UBE2W: variants seen among roughly 807,000 people sequenced by gnomAD.
UBE2W encodes ubiquitin-conjugating enzyme E2 W.
A neutral mutation model predicts 27.2 loss-of-function variants in UBE2W; 18 were observed. The ratio of observed to expected loss-of-function variants is 0.66; its 90% confidence interval spans 0.46 to 0.98. The LOEUF (loss-of-function observed/expected upper bound fraction) is 0.98, where lower values mean the gene tolerates loss of function less well. Ranked by LOEUF, UBE2W falls within the 50% of genes least tolerant of loss-of-function variation. The pLI is 0.00. For synonymous variants in UBE2W, 53 were observed against 57.2 expected (o/e 0.93, Z 0.33); for missense variants, 90 against 180.2 (o/e 0.50, Z 2.87).
downstream of UBE2W, among the ~76,000 whole-genome samples, chr8:73,783,838 C>T (rs760663973): frequency 9.2e-5 from 14 of 152,220 alleles, no homozygotes; most frequent in Non-Finnish European, 1.5e-4. Context: ...TCTGGGCTCA[C>T]TGCAACCTCC....
intron 1 of UBE2W, among the ~76,000 whole-genome samples, chr8:73,839,951 G>A (rs1199270532): frequency 6.6e-6 from 1 of 151,898 alleles, no homozygotes; most frequent in Non-Finnish European, 1.5e-5. Flanking sequence ...GGCCAAGCTG[G>A]TCTCGAACTC....
rs1586437579 is a variant in UBE2W, at chr8:73,793,808, C to T, written c.*294G>A. 1 of 1,125,674 alleles carries T rather than the reference C, an allele frequency of 8.9e-7. No individual in the cohort carries two copies. The highest frequency in any genetic ancestry group is 4.7e-5 in the Admixed American group (1 of 21,202). The allele number at this position is 1,125,674 out of a possible 1,614,324, so 69.7% of individuals were successfully genotyped here. A position where few individuals can be genotyped will look rare whatever the true frequency, so the allele number is the denominator to read the frequency against. ...ATTGTTATTGCACAATACATGAGGA[C>T]CTGGAGCTTTTCCAAAAGCTTAAAA... On this transcript the variant is annotated 3_prime_UTR_variant, in exon 6 of 6. Coordinates refer to ENST00000602593, the MANE Select transcript of UBE2W (RefSeq NM_018299.6).
chr8:73,812,581 G>C (rs912797899), intron 3 of UBE2W, among the ~76,000 whole-genome samples: 1 of 152,070 alleles, frequency 6.6e-6, no homozygotes, highest in Non-Finnish European at 1.5e-5. Context: ...GTACAGAATG[G>C]GAGTTTACAA....
intron 5 of UBE2W, among the ~76,000 whole-genome samples, 179 bp downstream of exon 5, chr8:73,805,472 C>CAAAAAAAAAAAAAACAAAAAAAAA: frequency 1.4e-4 from 6 of 43,676 alleles, no homozygotes; most frequent in African/African-American, 3.6e-4. Flanking sequence ...AAAAAAAAAA[C>CAAAAAAAAAAAAAACAAAAAAAAA]AAAAAAAACT....
intron 1 of UBE2W, among the ~76,000 whole-genome samples, chr8:73,859,230 G>A (rs1811442425): frequency 6.6e-6 from 1 of 152,190 alleles, no homozygotes; most frequent in Non-Finnish European, 1.5e-5. Flanking sequence ...GACTAGCTGG[G>A]AATGGTGGCT....
intron 5 of UBE2W, among the ~76,000 whole-genome samples, chr8:73,801,623 T>C (rs1328064489): frequency 6.6e-6 from 1 of 152,368 alleles, no homozygotes; most frequent in African/African-American, 2.4e-5. Flanking sequence ...TAATTTTTGA[T>C]GCATGTGGGA....
At chr8:73,850,039 T>C (rs1367292159) in intron 1 of UBE2W, among the ~76,000 whole-genome samples, 1 of 152,188 alleles carries the variant, frequency 6.6e-6, no homozygotes. Flanking sequence ...TAGAAGATTT[T>C]AGTAACACCT....
chr8:73,836,135 C>A (rs963432463), intron 1 of UBE2W, among the ~76,000 whole-genome samples: 4 of 152,138 alleles, frequency 2.6e-5, no homozygotes, highest in Non-Finnish European at 5.9e-5. Flanking sequence ...CCCCTCCATC[C>A]CAGAAGGGAC....
chr8:73,847,350 T>C (rs1176841499), intron 1 of UBE2W, among the ~76,000 whole-genome samples: 1 of 152,146 alleles, frequency 6.6e-6, no homozygotes, highest in Non-Finnish European at 1.5e-5. Flanking sequence ...TAAGACCAGC[T>C]TGGTAGGTAT....
chr8:73,793,001 G>A lies in UBE2W; in HGVS notation c.*1101C>T. On this transcript the variant is annotated 3_prime_UTR_variant, in exon 6 of 6. Transcript: ENST00000602593. ...TCAAAAATGTATTTCTTATTTTAGG[G>A]TACAGGATTAAAGGACAAGATGATA... is the stretch of plus-strand genomic sequence containing the variant. The A allele has an allele frequency of 2.0e-6, 2 of 985,228 alleles. No homozygotes were observed. The highest frequency in any genetic ancestry group is 2.4e-6 in the Non-Finnish European group (2 of 829,510). 61.0% of individuals were successfully genotyped at this position (985,228 alleles called of 1,614,324 possible).
intron 3 of UBE2W, among the ~76,000 whole-genome samples, chr8:73,817,596 C>T (rs1809446844): frequency 6.6e-6 from 1 of 152,024 alleles, no homozygotes; most frequent in Non-Finnish European, 1.5e-5. Flanking sequence ...TGACTCTCTG[C>T]AACCTCCATC....
At chr8:73,796,653 G>A (rs79500631) in intron 5 of UBE2W, 1 of 984,796 alleles carries the variant, frequency 1.0e-6, no homozygotes, top group African/African-American at 1.7e-5. Flanking sequence ...GTAACAGCTA[G>A]ATCAACAGGG....
chr8:73,855,394 C>CTTTTTTTTTTTTTTT (rs66577299), intron 1 of UBE2W, among the ~76,000 whole-genome samples: 1 of 84,710 alleles, frequency 1.2e-5, no homozygotes, highest in African/African-American at 5.2e-5. Flanking sequence ...ATTCTACTTT[C>CTTTTTTTTTTTTTTT]TTTTTTTTTT....
downstream of UBE2W, among the ~76,000 whole-genome samples, chr8:73,781,619 G>GTTTTTTTTTT (rs112691687): frequency 7.1e-6 from 1 of 140,880 alleles, no homozygotes; most frequent in Non-Finnish European, 1.5e-5. Flanking sequence ...TCAGGTTTGG[G>GTTTTTTTTTT]TTTTTTTTTT....
In UBE2W at chr8:73,868,209, G is replaced by T. The variant is rs546200600; in HGVS notation, c.15+10599C>A. Among the ~76,000 whole-genome samples, 10 of 152,282 alleles carry T rather than the reference G, an allele frequency of 6.6e-5. No homozygotes were observed. In the South Asian group the frequency reaches 2.1e-3, roughly 32 times the overall value. On this transcript the variant is annotated intron_variant, in intron 1 of 5. Transcript: ENST00000602593. ...ACCCCATCAATCTTTGGGGAAGAAG[G>T]GGGGGCTCAGGGTTGAATGGAACAC...
intron 4 of UBE2W, among the ~76,000 whole-genome samples, chr8:73,808,225 AT>A (rs1437632482): frequency 6.6e-6 from 1 of 151,830 alleles, no homozygotes; most frequent in East Asian, 1.9e-4. Flanking sequence ...GTAGATGGGT[AT>A]TTAAAATACT....
intron 1 of UBE2W, among the ~76,000 whole-genome samples, chr8:73,866,290 A>T (rs6998002): frequency 0.077 from 3,233 of 42,212 alleles, 248 homozygotes; most frequent in African/African-American, 0.19. Context: ...AAAAAAAAAA[A>T]ATATATATAT....
intron 3 of UBE2W, among the ~76,000 whole-genome samples, chr8:73,820,313 T>C (rs564846937): frequency 1.5e-4 from 23 of 152,326 alleles, no homozygotes; most frequent in Non-Finnish European, 3.1e-4. Context: ...GTTAAAACTA[T>C]ATAGATTATG....
chr8:73,832,482 A>G lies in UBE2W; in HGVS notation c.16-2010T>C, dbSNP rs1037089117. 5.9e-5 allele frequency among the ~76,000 whole-genome samples: 9 copies of G among 152,224 alleles called. No homozygotes were observed. In the South Asian group the frequency reaches 1.7e-3, roughly 28 times the overall value. ...GCATAATGGCTAATCTTACATTAAAAAAATAGCTTTGAAGTTTCGGTTCAC... is the reference window on the plus strand; with the variant it reads ...GCATAATGGCTAATCTTACATTAAAGAAATAGCTTTGAAGTTTCGGTTCAC... On this transcript the variant is annotated intron_variant, in intron 1 of 5. Transcript: ENST00000602593.
Sources: allele counts gnomAD v4.1 joint callset (sites outside exome capture counted in the v4.1 genomes callset), GRCh38; gene constraint gnomAD v4.1.1; transcripts MANE v1.5; gene names NCBI Gene and HGNC (gene_info 2026-07-23, HGNC 2026-07-21).